The following KDM2A variants were observed in gnomAD, a reference collection of about 807,000 sequenced individuals.
KDM2A encodes lysine demethylase 2A.
A neutral mutation model predicts 137.3 loss-of-function variants in KDM2A; 3 were observed. The observed-to-expected ratio is 0.02, with a 90% CI of 0.01 to 0.06. The LOEUF is 0.06. Among genes scored for constraint, KDM2A ranks in the 10% least tolerant of loss-of-function variants. The pLI, the probability that KDM2A is intolerant of heterozygous loss-of-function variation, is 1.00. For synonymous variants in KDM2A, 512 were observed against 541.5 expected, an observed-to-expected ratio of 0.95 and a Z score of 0.76; for missense variants, 738 against 1,510.6, an observed-to-expected ratio of 0.49 and a Z score of 8.48.
chr11:67,141,376 A>G (rs1263554159), intron 2 of KDM2A, among the ~76,000 whole-genome samples: 3 of 151,946 alleles, frequency 2.0e-5, no homozygotes, highest in Admixed American at 2.0e-4. Context: ...TATACAATTC[A>G]TTGTTATTGG....
chr11:67,135,063 TTTTC>T (rs1420650913), intron 2 of KDM2A, among the ~76,000 whole-genome samples: 1 of 151,910 alleles, frequency 6.6e-6, no homozygotes, highest in East Asian at 1.9e-4. Flanking sequence ...GCAGATAAGA[TTTTC>T]TTTTTTTTTT....
intron 2 of KDM2A, among the ~76,000 whole-genome samples, chr11:67,125,197 T>A (rs1326977914): frequency 2.6e-5 from 4 of 151,112 alleles, no homozygotes; most frequent in East Asian, 2.0e-4. Flanking sequence ...CTTTTTTTTT[T>A]ATTTGAGATA....
chr11:67,173,795 C>T (rs1856924409), intron 2 of KDM2A, among the ~76,000 whole-genome samples: 1 of 152,184 alleles, frequency 6.6e-6, no homozygotes. Context: ...TCATGGCAGC[C>T]TCAAGCTCCT....
chr11:67,169,549 G>T (rs10400320), intron 2 of KDM2A, among the ~76,000 whole-genome samples: 143,421 of 150,476 alleles, frequency 0.95, 68,518 homozygotes, highest in Non-Finnish European at 0.99. Context: ...CTGGCTAATT[G>T]TTTTTTGGTA....
intron 13 of KDM2A, among the ~76,000 whole-genome samples, chr11:67,244,359 G>A (rs1180264570): frequency 6.6e-6 from 1 of 152,172 alleles, no homozygotes; most frequent in African/African-American, 2.4e-5. Flanking sequence ...CAGTTCGTAT[G>A]CTTGAATTTG....
intron 17 of KDM2A, among the ~76,000 whole-genome samples, chr11:67,252,040 T>TAGATTTGTAGACTGC (rs1404985742): frequency 6.6e-6 from 1 of 152,158 alleles, no homozygotes; most frequent in Admixed American, 6.5e-5. Context: ...TTGTGGCCTG[T>TAGATTTGTAGACTGC]AGATTTGTAG....
chr11:67,219,277 C>T lies in KDM2A; in HGVS notation c.842-11C>T. On this transcript the variant is annotated splice_polypyrimidine_tract_variant and intron_variant, in intron 9 of 20. Transcript: ENST00000529006. ...GTTTTCAGCCACTGCCCTCTGTTCC[C>T]CTTCTCCTAGGCTGGATTCATGCTG... 6.7e-7 allele frequency: 1 copy of T among 1,487,604 alleles called. No homozygotes were observed. Among genetic ancestry groups the T allele is most frequent in the Non-Finnish European group, 9.2e-7 (1 of 1,092,298 alleles). The allele number at this position is 1,487,604 out of a possible 1,614,324, so 92.2% of individuals were successfully genotyped here. A position where few individuals can be genotyped will look rare whatever the true frequency, so the allele number is the denominator to read the frequency against.
rs540955921 is a variant in KDM2A at position 67,165,733 on chromosome 11, A to C, written c.43-14346A>C. 2.6e-5 allele frequency among the ~76,000 whole-genome samples: 4 copies of C among 152,218 alleles called. No homozygotes were observed. In the East Asian group the frequency reaches 7.7e-4, roughly 29 times the overall value. ...CTTAGGAGAAACAGCATGTGTGACA[A>C]ATTTCATGGTTTTTATCATTAACCA... On this transcript the variant is annotated intron_variant, in intron 2 of 20. Coordinates refer to ENST00000529006, the MANE Select transcript of KDM2A (RefSeq NM_012308.3).
At chr11:67,170,691 G>T (rs911285010) in intron 2 of KDM2A, among the ~76,000 whole-genome samples, 27 of 152,006 alleles carry the variant, frequency 1.8e-4, no homozygotes, top group African/African-American at 5.6e-4. Context: ...GGGATTACAG[G>T]TGTGAGCCAC....
At chr11:67,208,204 A>G (rs975264212) in intron 6 of KDM2A, among the ~76,000 whole-genome samples, 3 of 151,596 alleles carry the variant, frequency 2.0e-5, no homozygotes, top group Non-Finnish European at 4.4e-5. Context: ...CGAAATCATA[A>G]TAAATTTTAA....
rs565189444 is a variant in KDM2A at position 67,173,881 on chromosome 11, AT to A, written c.43-6186del. On this transcript the variant is annotated intron_variant, in intron 2 of 20. Transcript: ENST00000529006. The stretch of plus-strand genomic sequence containing the variant: ...TTACCATGCTCAACTAATTTAAACA[AT>A]TTTTTTTTTTTATAAGATAGGGTCT... Among the ~76,000 whole-genome samples, 367 of 143,930 alleles carry A rather than the reference AT, an allele frequency of 2.5e-3. 1 individual carries two copies. Among genetic ancestry groups the A allele is most frequent in the Admixed American group, 2.8e-3 (40 of 14,462 alleles). 94.4% of individuals were successfully genotyped at this position (143,930 alleles called of 152,430 possible).
intron 2 of KDM2A, among the ~76,000 whole-genome samples, chr11:67,174,636 AT>A (rs1419887025): frequency 6.6e-6 from 1 of 152,174 alleles, no homozygotes; most frequent in African/African-American, 2.4e-5. Flanking sequence ...TAAGTATTCC[AT>A]TTATGTGGCC....
chr11:67,183,870 A>T lies in KDM2A; in HGVS notation c.307+1978A>T, dbSNP rs959430145. ...ATGCCTGTAATCTTAGCACTCTGGGAGGCTGAGGCAGGTGGATTGCTTGAG... is the reference window on the plus strand; with the variant it reads ...ATGCCTGTAATCTTAGCACTCTGGGTGGCTGAGGCAGGTGGATTGCTTGAG... On this transcript the variant is annotated intron_variant, in intron 5 of 20. Coordinates refer to ENST00000529006, the MANE Select transcript of KDM2A (RefSeq NM_012308.3). Among the ~76,000 whole-genome samples the T allele has an allele frequency of 2.6e-5, 4 of 151,710 alleles. No homozygotes were observed. The South Asian group carries it at 8.3e-4, about 32-fold the overall frequency.
intron 2 of KDM2A, among the ~76,000 whole-genome samples, chr11:67,153,141 C>A (rs370183685): frequency 6.6e-6 from 1 of 152,136 alleles, no homozygotes; most frequent in East Asian, 1.9e-4. Context: ...TGTGCCACCA[C>A]GCCCAGCTAA....
Position 67,219,410 on chromosome 11 carries a change from A to G in KDM2A, c.957+7A>G, listed in dbSNP as rs1433917049. ...CATTGAAGATCGGACACGGGTAAGT[A>G]ATCTTATGTAACAGTTGCATGTGAA... is the stretch of plus-strand genomic sequence containing the variant. On this transcript the variant is annotated splice_region_variant and intron_variant, in intron 10 of 20. Transcript: ENST00000529006. 2.7e-6 allele frequency: 4 copies of G among 1,504,248 alleles called. No homozygotes were observed. The highest frequency in any genetic ancestry group is 3.7e-6 in the Non-Finnish European group (4 of 1,092,416). The allele number at this position is 1,504,248 out of a possible 1,614,324, so 93.2% of individuals were successfully genotyped here. A position where few individuals can be genotyped will look rare whatever the true frequency, so the allele number is the denominator to read the frequency against.
At chr11:67,237,639 A>G (rs1858909856) in intron 12 of KDM2A, among the ~76,000 whole-genome samples, 1 of 151,974 alleles carries the variant, frequency 6.6e-6, no homozygotes, top group Non-Finnish European at 1.5e-5. Context: ...GTCCAGGCTT[A>G]CAGATTTTTT....
intron 12 of KDM2A, among the ~76,000 whole-genome samples, chr11:67,234,124 A>T (rs1858799162): frequency 1.3e-5 from 2 of 152,388 alleles, no homozygotes; most frequent in Non-Finnish European, 2.9e-5. Context: ...TAGATTAATT[A>T]TTCCTATATT....
At chr11:67,123,692 T>C (rs1276417742) in intron 2 of KDM2A, among the ~76,000 whole-genome samples, 1 of 152,082 alleles carries the variant, frequency 6.6e-6, no homozygotes, top group Non-Finnish European at 1.5e-5. Flanking sequence ...TTTTTTTTTT[T>C]TGAGACGGAG....
At chr11:67,198,759 G>GT (rs369326090) in intron 5 of KDM2A, among the ~76,000 whole-genome samples, 5 of 149,206 alleles carry the variant, frequency 3.4e-5, no homozygotes, top group Non-Finnish European at 7.4e-5. Context: ...GTGATCAGTA[G>GT]TTTGTTTTGT....
Sources: gnomAD v4.1 joint callset for allele counts (sites outside exome capture counted in the v4.1 genomes callset) on GRCh38, gnomAD v4.1.1 for gene constraint, MANE v1.5 for transcripts, NCBI Gene and HGNC (gene_info 2026-07-23, HGNC 2026-07-21) for gene names.